SOX5: variants seen among roughly 807,000 people sequenced by gnomAD.
SOX5 encodes the protein transcription factor SOX-5.
In SOX5, 9 loss-of-function variants were observed where a neutral mutation model predicts 92.0. The ratio of observed to expected loss-of-function variants is 0.10; its 90% CI spans 0.06 to 0.17. SOX5 has a LOEUF of 0.17. SOX5 is among the 10% of genes least tolerant of loss of function. SOX5 has a pLI of 1.00. For synonymous variants in SOX5, 344 were observed against 336.3 expected, an observed-to-expected ratio of 1.02 and a Z score of -0.25; for missense variants, 642 against 944.5, an observed-to-expected ratio of 0.68 and a Z score of 4.20.
chr12:24,378,918 C>G (rs77890097), intron 1 of SOX5, among the ~76,000 whole-genome samples: 1,959 of 152,334 alleles, frequency 0.013, 50 homozygotes, highest in African/African-American at 0.045. Flanking sequence ...CCCCAAACCT[C>G]TACCTTTGAC....
chr12:23,691,672 T>C (rs2088842296), intron 6 of SOX5, among the ~76,000 whole-genome samples: 1 of 152,160 alleles, frequency 6.6e-6, no homozygotes, highest in African/African-American at 2.4e-5. Context: ...GTATTTTCAG[T>C]TCTATCATAT....
intron 8 of SOX5, among the ~76,000 whole-genome samples, chr12:23,637,307 T>G (rs576052758): frequency 5.3e-5 from 8 of 152,224 alleles, no homozygotes; most frequent in African/African-American, 1.9e-4. Flanking sequence ...ACTACCTACT[T>G]AAAACATACA....
At position 23,844,339 on chromosome 12, in the gene SOX5, T is replaced by C. The variant is rs561397031; in HGVS notation, c.481+1644A>G. On this transcript the variant is annotated intron_variant, in intron 3 of 14. Coordinates refer to ENST00000451604, the MANE Select transcript of SOX5 (RefSeq NM_006940.6). ...CATCTTAAAGTTGATAAATCTTAAG[T>C]GGATCCATTGTAAGTTGGGGACCAT... Among the ~76,000 whole-genome samples, 3 of 152,316 alleles carry C rather than the reference T, an allele frequency of 2.0e-5. No individual in the cohort carries two copies. The South Asian group carries it at 6.2e-4, about 32-fold the overall frequency.
chr12:23,806,498 T>C (rs1411889941), intron 3 of SOX5, among the ~76,000 whole-genome samples: 1 of 151,958 alleles, frequency 6.6e-6, no homozygotes, highest in East Asian at 1.9e-4. Flanking sequence ...TGATCTTTCT[T>C]TGGTTTATAG....
chr12:24,326,382 A>G (rs149079359), intron 2 of SOX5, among the ~76,000 whole-genome samples: 1 of 152,230 alleles, frequency 6.6e-6, no homozygotes, highest in East Asian at 1.9e-4. Flanking sequence ...AGAACTGACT[A>G]CATCCTAATT....
At chr12:24,227,899 G>A (rs1219046885) in intron 3 of SOX5, 2 of 152,158 alleles carry the variant, frequency 1.3e-5, no homozygotes, top group African/African-American at 4.8e-5. Flanking sequence ...TAAAGTCTCT[G>A]TAGTCACGAT....
chr12:24,291,640 G>A (rs887430620), intron 2 of SOX5, among the ~76,000 whole-genome samples: 3 of 152,190 alleles, frequency 2.0e-5, no homozygotes, highest in African/African-American at 4.8e-5. Context: ...GAGTACAGTT[G>A]TAACACTTTC....
chr12:23,625,670 C>A (rs144633832), intron 8 of SOX5, among the ~76,000 whole-genome samples: 1 of 152,102 alleles, frequency 6.6e-6, no homozygotes, highest in African/African-American at 2.4e-5. Flanking sequence ...TGTGCGGTGG[C>A]GTGATCTTGG....
chr12:24,418,269 T>C (rs1228226223), intron 1 of SOX5, among the ~76,000 whole-genome samples: 2 of 152,152 alleles, frequency 1.3e-5, no homozygotes, highest in African/African-American at 2.4e-5. Flanking sequence ...GCTATGCAGT[T>C]TGAGGGACTG....
intron 3 of SOX5, among the ~76,000 whole-genome samples, chr12:23,769,169 C>T (rs937804552): frequency 7.2e-5 from 11 of 152,036 alleles, no homozygotes; most frequent in African/African-American, 2.7e-4. Flanking sequence ...GCAGCAAAGC[C>T]AAATCTCCAA....
intron 4 of SOX5, among the ~76,000 whole-genome samples, chr12:24,184,139 G>A (rs1327739035): frequency 6.6e-6 from 1 of 152,052 alleles, no homozygotes; most frequent in Non-Finnish European, 1.5e-5. Flanking sequence ...GAGATAAATG[G>A]ACAATTAGAT....
At chr12:23,594,391 C>T (rs1952043069) in intron 9 of SOX5, among the ~76,000 whole-genome samples, 1 of 152,066 alleles carries the variant, frequency 6.6e-6, no homozygotes, top group Non-Finnish European at 1.5e-5. Context: ...CCTAGGACTC[C>T]AACACATCAC....
chr12:23,655,966 A>T (rs993023098), intron 7 of SOX5, among the ~76,000 whole-genome samples: 1 of 151,998 alleles, frequency 6.6e-6, no homozygotes, highest in Non-Finnish European at 1.5e-5. Flanking sequence ...TCATAATGAT[A>T]TTTTATATTT....
intron 8 of SOX5, among the ~76,000 whole-genome samples, chr12:23,618,026 C>T (rs1260300615): frequency 2.0e-5 from 3 of 152,154 alleles, no homozygotes; most frequent in African/African-American, 4.8e-5. Flanking sequence ...CCGCTCCAGA[C>T]TTGCTGTTTG....
chr12:24,538,056 C>T (rs893640359), intron 1 of SOX5, among the ~76,000 whole-genome samples: 22 of 152,296 alleles, frequency 1.4e-4, no homozygotes, highest in African/African-American at 4.8e-4. Context: ...GGAACATTAA[C>T]GGGAAGCAAT....
At chr12:24,468,406 T>C (rs1944448527) in intron 1 of SOX5, among the ~76,000 whole-genome samples, 1 of 151,920 alleles carries the variant, frequency 6.6e-6, no homozygotes, top group South Asian at 2.1e-4. Flanking sequence ...GTAAAGTATA[T>C]AGAACAGAGC....
intron 1 of SOX5, among the ~76,000 whole-genome samples, chr12:24,517,187 A>T (rs1276204866): frequency 6.6e-6 from 1 of 152,212 alleles, no homozygotes; most frequent in Non-Finnish European, 1.5e-5. Flanking sequence ...ATGCAATTCT[A>T]TCCCCCTTTC....
intron 4 of SOX5, among the ~76,000 whole-genome samples, chr12:24,191,443 T>C (rs1037805570): frequency 6.6e-6 from 1 of 152,212 alleles, no homozygotes; most frequent in Admixed American, 6.5e-5. Context: ...CAGGCCAGTT[T>C]AGCAGTGTGA....
intron 1 of SOX5, among the ~76,000 whole-genome samples, chr12:23,902,833 C>CG (rs1158156925): frequency 6.6e-6 from 1 of 152,036 alleles, no homozygotes; most frequent in African/African-American, 2.4e-5. Context: ...TATTCTAATC[C>CG]TCTACACCAA....
Sources: gnomAD v4.1 joint callset for allele counts (sites outside exome capture counted in the v4.1 genomes callset) on GRCh38, gnomAD v4.1.1 for gene constraint, MANE v1.5 for transcripts, NCBI Gene and HGNC (gene_info 2026-07-23, HGNC 2026-07-21) for gene names.